Variants in SPATA21 observed in about 807,000 individuals in gnomAD.
SPATA21 encodes spermatogenesis-associated protein 21.
In SPATA21, 47 loss-of-function variants were observed where a neutral mutation model predicts 54.8. The ratio of observed to expected loss-of-function variants is 0.86; its 90% CI spans 0.68 to 1.09. The LOEUF (loss-of-function observed/expected upper bound fraction) is 1.09, where lower values mean the gene tolerates loss of function less well. Among genes scored for constraint, SPATA21 ranks in the 50% least tolerant of loss-of-function variants. The pLI is 0.00. For missense variants in SPATA21, 599 were observed against 596.4 expected (o/e 1.00, Z -0.05); for synonymous variants, 245 against 235.3 (o/e 1.04, Z -0.38).
chr1:16,400,014 T>G (rs866021941), intron 11 of SPATA21, among the ~76,000 whole-genome samples: 15 of 151,996 alleles, frequency 9.9e-5, no homozygotes, highest in Middle Eastern at 3.2e-3. Flanking sequence ...ATTGCTGAAC[T>G]TTATCAGTTT....
intron 10 of SPATA21, among the ~76,000 whole-genome samples, chr1:16,401,451 A>G (rs2085444800): frequency 6.6e-6 from 1 of 151,988 alleles, no homozygotes; most frequent in African/African-American, 2.4e-5. Context: ...ACCAACCACC[A>G]CACCCAGCTG....
chr1:16,397,287 C>T (rs2085328135), downstream of SPATA21: 1 of 152,266 alleles, frequency 6.6e-6, no homozygotes, highest in African/African-American at 2.4e-5. This position sits in a 1 kb window ranked among gnomAD's most constrained non-coding sequence, Gnocchi z 5.4. Flanking sequence ...TCACCACCCA[C>T]CAGCAGTCAT....
chr1:16,402,151 T>C (rs1004752811), intron 10 of SPATA21, among the ~76,000 whole-genome samples: 2 of 151,006 alleles, frequency 1.3e-5, no homozygotes, highest in African/African-American at 4.9e-5. Flanking sequence ...CCCAGAAGTG[T>C]CGGGGAGTTA....
At chr1:16,425,786 T>C in intron 3 of SPATA21, 8 of 1,490,250 alleles carry the variant, frequency 5.4e-6, no homozygotes, top group Non-Finnish European at 7.2e-6. Context: ...CACTGTTTTA[T>C]ATATTTTTAC....
intron 12 of SPATA21, 70 bp downstream of exon 12, chr1:16,399,274 A>G: frequency 2.0e-6 from 3 of 1,480,688 alleles, no homozygotes; most frequent in Non-Finnish European, 2.7e-6. Context: ...ATTCCCAGGC[A>G]TTAGGCCAGG....
At position 16,415,920 on chromosome 1, in the gene SPATA21, T is replaced by C. The variant is rs968799161; in HGVS notation, c.144+5589A>G. ...TTGCTCCCAGCAGGCGCTCAGCCTGTGGGTGAACGATGGTGCCAAGGCCCT... is the reference window on the plus strand; with the variant it reads ...TTGCTCCCAGCAGGCGCTCAGCCTGCGGGTGAACGATGGTGCCAAGGCCCT... On this transcript the variant is annotated intron_variant, in intron 5 of 12. Transcript: ENST00000335496. Among the ~76,000 whole-genome samples the C allele has an allele frequency of 2.0e-5, 3 of 152,280 alleles. No homozygotes were observed. In the East Asian group the frequency reaches 5.8e-4, roughly 29 times the overall value.
chr1:16,404,277 A>G (rs1052831928), intron 8 of SPATA21, among the ~76,000 whole-genome samples: 3 of 151,990 alleles, frequency 2.0e-5, no homozygotes, highest in African/African-American at 4.8e-5. Context: ...CGAGACCTAC[A>G]TGGCCAACAT....
At position 16,409,980 on chromosome 1, in the gene SPATA21, C is replaced by G. The variant is rs373469312; in HGVS notation, c.208G>C (p.Ala70Pro). ...AGGCTCTGTGTCCCTGCAGCCACCG[C>G]GGGCTTCTGAGGCTGCTGCTGCGCA... ...DRAQQQPQKP[A>P]VAAGTQSLGN... The change falls in exon 6 of 13, where the codon GCG (alanine) becomes CCG (proline). Residue 70 changes from alanine (A) to proline (P), a missense_variant. Ala to Pro is a conservative substitution (Grantham distance 27, BLOSUM62 -1). Coordinates refer to ENST00000335496, the MANE Select transcript of SPATA21 (RefSeq NM_198546.1). The surrounding 1 kb of genome is among the most constrained non-coding windows in gnomAD (Gnocchi z 4.1). 3 of 1,606,186 alleles carry G rather than the reference C, an allele frequency of 1.9e-6. No homozygotes were observed. Among genetic ancestry groups the G allele is most frequent in the Non-Finnish European group, 8.5e-7 (1 of 1,176,280 alleles).
intron 3 of SPATA21, 28 bp downstream of exon 3, chr1:16,431,310 G>A: frequency 6.2e-7 from 1 of 1,614,154 alleles, no homozygotes; most frequent in African/African-American, 1.3e-5. Context: ...GCCAGGACTT[G>A]GCTGCGTCCC....
Position 16,400,713 on chromosome 1 carries a change from C to G in SPATA21, c.1174+7G>C. 1 of 1,609,132 alleles carries G rather than the reference C, an allele frequency of 6.2e-7. No individual in the cohort carries two copies. The highest frequency in any genetic ancestry group is 8.5e-7 in the Non-Finnish European group (1 of 1,176,948). The stretch of plus-strand genomic sequence containing the variant: ...CTAGCCCATCCCACCCTGCCCAGGG[C>G]CCTCACCATAGTTCTGCTGCTTCAG... On this transcript the variant is annotated splice_region_variant and intron_variant, in intron 11 of 12. Transcript: ENST00000335496.
chr1:16,425,653 C>A, intron 3 of SPATA21: 2 of 1,550,380 alleles, frequency 1.3e-6, no homozygotes, highest in African/African-American at 1.4e-5. Flanking sequence ...AGGAAGGCAG[C>A]AACCCCAGCT....
At chr1:16,402,067 G>A (rs542825243) in intron 10 of SPATA21, among the ~76,000 whole-genome samples, 20 of 152,136 alleles carry the variant, frequency 1.3e-4, no homozygotes, top group African/African-American at 4.6e-4. Context: ...TTTGCACAGG[G>A]ACAACCCTAC....
chr1:16,427,903 TC>T (rs2100889008), intron 3 of SPATA21: 1 of 1,550,072 alleles, frequency 6.5e-7, no homozygotes, highest in African/African-American at 1.4e-5. Context: ...GATTCTGAGC[TC>T]TGAAGGCCCC....
chr1:16,409,592 G>A lies in SPATA21; in HGVS notation c.587+9C>T, dbSNP rs1350403150. The A allele has an allele frequency of 6.2e-7, 1 of 1,606,906 alleles. No homozygotes were observed. The highest frequency in any genetic ancestry group is 8.5e-7 in the Non-Finnish European group (1 of 1,178,178). On this transcript the variant is annotated intron_variant, in intron 6 of 12. Transcript: ENST00000335496. This position sits in a 1 kb window ranked among gnomAD's most constrained non-coding sequence, Gnocchi z 4.1. ...CAGGAGCGGGCGGGTGAGCAGCGGG[G>A]GCTCCTACCGCGCCTTGGCGTAGCT... is the stretch of plus-strand genomic sequence containing the variant.
intron 5 of SPATA21, among the ~76,000 whole-genome samples, chr1:16,419,030 A>T (rs1297552162): frequency 6.6e-6 from 1 of 152,214 alleles, no homozygotes; most frequent in African/African-American, 2.4e-5. Context: ...CTAGATAATG[A>T]ATAGGTTGAC....
In SPATA21 at chr1:16,409,047, C is replaced by A; in HGVS notation, c.673+71G>T. The A allele has an allele frequency of 6.5e-7, 1 of 1,539,104 alleles. No homozygotes were observed. On this transcript the variant is annotated intron_variant, in intron 7 of 12. Coordinates refer to ENST00000335496, the MANE Select transcript of SPATA21 (RefSeq NM_198546.1). This position sits in a 1 kb window ranked among gnomAD's most constrained non-coding sequence, Gnocchi z 4.1. ...GATCTGGAAAGCACCCCAGTCCGCC[C>A]TGCGCCTATAAACCCCCAAGGACCA... is the stretch of plus-strand genomic sequence containing the variant.
chr1:16,398,904 C>T, intron 12 of SPATA21, 82 bp from the exon 13 acceptor site: 1 of 1,423,560 alleles, frequency 7.0e-7, no homozygotes. Flanking sequence ...CTGTGCGTGC[C>T]CAAGTGAGGA....
At position 16,434,446 on chromosome 1, in the gene SPATA21, G is replaced by A. The variant is rs560933872; in HGVS notation, c.-186-1522C>T. On this transcript the variant is annotated intron_variant, in intron 1 of 12. Coordinates refer to ENST00000335496, the MANE Select transcript of SPATA21 (RefSeq NM_198546.1). ...TGGGACTACAGACGCATGCCACCATGCCTGGTTCGTCTTAAAAATTTTTTA... is the reference window on the plus strand; with the variant it reads ...TGGGACTACAGACGCATGCCACCATACCTGGTTCGTCTTAAAAATTTTTTA... 8.5e-5 allele frequency among the ~76,000 whole-genome samples: 13 copies of A among 152,048 alleles called. No homozygotes were observed. The South Asian group carries it at 2.1e-3, about 24-fold the overall frequency.
chr1:16,420,397 G>A (rs1182616811), intron 5 of SPATA21, among the ~76,000 whole-genome samples: 4 of 151,944 alleles, frequency 2.6e-5, no homozygotes, highest in Non-Finnish European at 4.4e-5. Context: ...GTTTGTACAC[G>A]CCTGTAGTCC....
Sources: gnomAD v4.1 joint callset for allele counts (sites outside exome capture counted in the v4.1 genomes callset) on GRCh38, gnomAD v4.1.1 for gene constraint, Gnocchi (gnomAD v3.1) non-coding constraint, MANE v1.5 for transcripts, NCBI Gene and HGNC (gene_info 2026-07-23, HGNC 2026-07-21) for gene names.